PACRGL: variants seen among roughly 807,000 people sequenced by gnomAD.
The protein encoded by PACRGL is parkin coregulated like.
PACRGL carries 38 observed loss-of-function variants against 34.5 expected under a neutral mutation model. That is an observed-to-expected ratio of 1.10 (90% CI 0.85 to 1.44). The LOEUF (loss-of-function observed/expected upper bound fraction) is 1.44. PACRGL is among the 40% of genes most tolerant of loss of function. The probability of loss-of-function intolerance (pLI) is 0.00; values close to 1 mark genes in which losing one functional copy is unlikely to be tolerated. For missense variants in PACRGL, 305 were observed against 281.4 expected, an observed-to-expected ratio of 1.08 and a Z score of -0.60; for synonymous variants, 128 against 100.1, an observed-to-expected ratio of 1.28 and a Z score of -1.66.
At position 20,729,939 on chromosome 4, in the gene PACRGL, T is replaced by TTGCTTTATATTAAAACAA; in HGVS notation, c.*2599_*2616dup. 1.1e-6 allele frequency: 1 copy of TTGCTTTATATTAAAACAA among 913,074 alleles called. No individual in the cohort carries two copies. The highest frequency in any genetic ancestry group is 1.5e-6 in the Non-Finnish European group (1 of 654,772). 56.6% of individuals were successfully genotyped at this position (913,074 alleles called of 1,614,324 possible). Reference sequence around the variant, plus strand: ...ACTGAAAGCTCAAATCTTTTGGGGATTGCTTTATATTAAAACAAAGCTTGT... The same window carrying TTGCTTTATATTAAAACAA: ...ACTGAAAGCTCAAATCTTTTGGGGATTGCTTTATATTAAAACAATGCTTTATATTAAAACAAAGCTTGT... On this transcript the variant is annotated 3_prime_UTR_variant, in exon 9 of 9. Transcript: ENST00000503585.
the PACRGL span, among the ~76,000 whole-genome samples, chr4:20,764,735 G>A: frequency 3.8e-4 from 57 of 148,680 alleles, no homozygotes; most frequent in African/African-American, 1.3e-3. Context: ...GCAATAATTT[G>A]CTTCCCTCAT....
chr4:20,696,806 A>G (rs1731262328), upstream of PACRGL, among the ~76,000 whole-genome samples: 1 of 152,244 alleles, frequency 6.6e-6, no homozygotes, highest in Non-Finnish European at 1.5e-5. Context: ...TGTGGCTAGT[A>G]TGGATTTAAA....
In PACRGL at chr4:20,712,736, A is replaced by G. The variant is rs1397529397; in HGVS notation, c.367-52A>G. The G allele has an allele frequency of 6.7e-6, 9 of 1,345,432 alleles. No homozygotes were observed. In the African/African-American group the frequency reaches 1.2e-4, roughly 18 times the overall value. The allele number at this position is 1,345,432 out of a possible 1,614,324, so 83.3% of individuals were successfully genotyped here. A position where few individuals can be genotyped will look rare whatever the true frequency, so the allele number is the denominator to read the frequency against. ...CAAGTAAAGACTCAATTTTTCTGTTATTAGCATAATGAAATGGGTAGTAAA... is the reference window on the plus strand; with the variant it reads ...CAAGTAAAGACTCAATTTTTCTGTTGTTAGCATAATGAAATGGGTAGTAAA... On this transcript the variant is annotated intron_variant, in intron 5 of 8. Coordinates refer to ENST00000503585, the MANE Select transcript of PACRGL (RefSeq NM_001258345.3).
At chr4:20,734,806 T>A, downstream of PACRGL, 1 of 726,576 alleles carries the variant, frequency 1.4e-6, no homozygotes, top group Non-Finnish European at 2.2e-6. Context: ...ACAAATGATG[T>A]AAGTAAGGGC....
At chr4:20,702,634 A>ATT (rs34064017) in intron 1 of PACRGL, 52 of 151,042 alleles carry the variant, frequency 3.4e-4, no homozygotes, top group Non-Finnish European at 4.8e-4. Flanking sequence ...AAACTGATGC[A>ATT]TTTTTTTTTT....
rs754284891 is a variant in PACRGL at position 20,704,692 on chromosome 4, C to G, written c.85C>G (p.Gln29Glu). The G allele has an allele frequency of 6.2e-7, 1 of 1,614,080 alleles. No homozygotes were observed. Among genetic ancestry groups the G allele is most frequent in the South Asian group, 1.1e-5 (1 of 91,078 alleles). Residue 29 changes from glutamine to glutamate, a missense_variant, in exon 3 of 9, where the codon CAG becomes GAG. By Grantham distance (29) the Gln-to-Glu change is conservative. Coordinates refer to ENST00000503585, the MANE Select transcript of PACRGL (RefSeq NM_001258345.3). ...TGATCAAAGGACATCATCAAGCACA[C>G]AGTTAAAACACAGGAATGCAGTTCA... ...NYDQRTSSST[Q>E]LKHRNAVQGS...
At position 20,730,686 on chromosome 4, in the gene PACRGL, A is replaced by G. The variant is rs1747868113; in HGVS notation, c.*3345A>G. Reference sequence around the variant, plus strand: ...GGCCTGAAGGAGCCTTTAAAAATGAATGGTCTCTCAATTACAGAGAAAGAA... The same window carrying G: ...GGCCTGAAGGAGCCTTTAAAAATGAGTGGTCTCTCAATTACAGAGAAAGAA... On this transcript the variant is annotated 3_prime_UTR_variant, in exon 9 of 9. Coordinates refer to ENST00000503585, the MANE Select transcript of PACRGL (RefSeq NM_001258345.3). Among the ~76,000 whole-genome samples, 1 of 152,176 alleles carries G rather than the reference A, an allele frequency of 6.6e-6. No individual in the cohort carries two copies. The highest frequency in any genetic ancestry group is 1.5e-5 in the Non-Finnish European group (1 of 68,022).
At chr4:20,744,183 A>G (rs558179944) in intron 8 of PACRGL, among the ~76,000 whole-genome samples, 1 of 152,334 alleles carries the variant, frequency 6.6e-6, no homozygotes, top group Admixed American at 6.5e-5. Flanking sequence ...AACTAGTTCA[A>G]CCATTGTGGA....
chr4:20,733,269 G>A (rs1433734702), downstream of PACRGL, among the ~76,000 whole-genome samples: 1 of 152,102 alleles, frequency 6.6e-6, no homozygotes, highest in Non-Finnish European at 1.5e-5. Flanking sequence ...TTTTCCTACT[G>A]TGGCTTTAAC....
intron 7 of PACRGL, among the ~76,000 whole-genome samples, chr4:20,719,342 G>A (rs1200422770): frequency 6.6e-6 from 1 of 152,120 alleles, no homozygotes; most frequent in Non-Finnish European, 1.5e-5. Context: ...ATTCTGCTCT[G>A]ATCTTAGTTA....
chr4:20,724,346 G>A (rs1560366665), intron 7 of PACRGL, among the ~76,000 whole-genome samples: 1 of 152,156 alleles, frequency 6.6e-6, no homozygotes, highest in South Asian at 2.1e-4. Context: ...AGATTCAGTA[G>A]GGTAATGCAG....
Position 20,731,288 on chromosome 4 carries a change from G to T in PACRGL, c.*3947G>T. The T allele has an allele frequency of 3.4e-6, 2 of 582,724 alleles. No individual in the cohort carries two copies. The highest frequency in any genetic ancestry group is 2.2e-6 in the Non-Finnish European group (1 of 462,414). 36.1% of individuals were successfully genotyped at this position (582,724 alleles called of 1,614,324 possible). On this transcript the variant is annotated 3_prime_UTR_variant, in exon 9 of 9. Transcript: ENST00000503585. Reference sequence around the variant, plus strand: ...AGGGTCTTGCTATGTTGCCCACATTGGACTCAAAATCCTGGCCTTAAGTTA... The same window carrying T: ...AGGGTCTTGCTATGTTGCCCACATTTGACTCAAAATCCTGGCCTTAAGTTA...
intron 8 of PACRGL, among the ~76,000 whole-genome samples, chr4:20,744,894 GTTCAC>G (rs1366254636): frequency 6.6e-6 from 1 of 152,196 alleles, no homozygotes; most frequent in Non-Finnish European, 1.5e-5. Context: ...TTCTGTGGAA[GTTCAC>G]TTCATCTCTG....
chr4:20,741,922 T>A (rs1018860862), intron 8 of PACRGL, among the ~76,000 whole-genome samples: 9 of 152,106 alleles, frequency 5.9e-5, no homozygotes, highest in Non-Finnish European at 1.2e-4. Context: ...CAAACTACCA[T>A]CAGAGAATAC....
intron 8 of PACRGL, among the ~76,000 whole-genome samples, chr4:20,751,807 T>C (rs1753685318): frequency 6.6e-6 from 1 of 152,206 alleles, no homozygotes; most frequent in East Asian, 1.9e-4. Flanking sequence ...TACACTAATG[T>C]GGTACAGAGG....
chr4:20,722,123 C>G (rs1743586410), intron 7 of PACRGL, among the ~76,000 whole-genome samples: 2 of 152,238 alleles, frequency 1.3e-5, no homozygotes, highest in African/African-American at 4.8e-5. Flanking sequence ...ACTCTCTGAG[C>G]CAGGCACAGG....
At chr4:20,748,840 G>C (rs953418991) in intron 8 of PACRGL, among the ~76,000 whole-genome samples, 1 of 148,974 alleles carries the variant, frequency 6.7e-6, no homozygotes, top group South Asian at 2.1e-4. Flanking sequence ...TTTATGATCT[G>C]CTATTTACCA....
At chr4:20,748,037 G>A (rs1472332054) in intron 8 of PACRGL, among the ~76,000 whole-genome samples, 1 of 151,942 alleles carries the variant, frequency 6.6e-6, no homozygotes, top group African/African-American at 2.4e-5. Flanking sequence ...GCTTTTATCA[G>A]ACCCTGTCTG....
chr4:20,729,951 A>AAAAG lies in PACRGL; in HGVS notation c.*2613_*2614insGAAA, dbSNP rs1553882197. On this transcript the variant is annotated 3_prime_UTR_variant, in exon 9 of 9. Transcript: ENST00000503585. ...AATCTTTTGGGGATTGCTTTATATT[A>AAAAG]AAACAAAGCTTGTTTGCATAATATG... 17 of 1,107,556 alleles carry AAAAG rather than the reference A, an allele frequency of 1.5e-5. No homozygotes were observed. The Admixed American group carries it at 1.6e-4, about 10-fold the overall frequency. The allele number at this position is 1,107,556 out of a possible 1,614,324, so 68.6% of individuals were successfully genotyped here.
Sources: allele counts gnomAD v4.1 joint callset (sites outside exome capture counted in the v4.1 genomes callset), GRCh38; gene constraint gnomAD v4.1.1; transcripts MANE v1.5; gene names NCBI Gene and HGNC (gene_info 2026-07-23, HGNC 2026-07-21).